Variants in RGS8 observed in about 807,000 individuals in gnomAD.
RGS8 encodes regulator of G protein signaling 8.
A neutral mutation model predicts 21.7 loss-of-function variants in RGS8; 8 were observed. The ratio of observed to expected loss-of-function variants is 0.37; its 90% CI spans 0.22 to 0.66. The LOEUF is 0.66. RGS8 is among the 30% of genes least tolerant of loss of function. The pLI is 0.59. For synonymous variants in RGS8, 80 were observed against 83.6 expected (o/e 0.96, Z 0.24); for missense variants, 157 against 217.9 (o/e 0.72, Z 1.76).
At chr1:182,742,664 G>A in the RGS8 span, among the ~76,000 whole-genome samples, 3 of 152,208 alleles carry the variant, frequency 2.0e-5, no homozygotes, top group Admixed American at 6.5e-5. Flanking sequence ...AGGCAGGGAG[G>A]TTGCAGTGAG....
In RGS8 at chr1:182,666,128, A is replaced by C. The variant is rs911514959; in HGVS notation, c.129-95T>G. Reference sequence around the variant, plus strand: ...TTTGCTCAAGAAAACAAATTGGAAAAATGTGGGGAAGGGTGCAGGGAGCAA... The same window carrying C: ...TTTGCTCAAGAAAACAAATTGGAAACATGTGGGGAAGGGTGCAGGGAGCAA... On this transcript the variant is annotated intron_variant, in intron 4 of 6. Transcript: ENST00000483095. The C allele has an allele frequency of 2.6e-5, 27 of 1,035,184 alleles. No individual in the cohort carries two copies. In the African/African-American group the frequency reaches 4.1e-4, roughly 16 times the overall value. The allele number at this position is 1,035,184 out of a possible 1,614,324, so 64.1% of individuals were successfully genotyped here. A position where few individuals can be genotyped will look rare whatever the true frequency, so the allele number is the denominator to read the frequency against.
chr1:182,676,255 G>A (rs12058434), upstream of RGS8, among the ~76,000 whole-genome samples: 3 of 152,178 alleles, frequency 2.0e-5, no homozygotes, highest in Non-Finnish European at 2.9e-5. Context: ...AAAAAGCCAC[G>A]AGAGTGGAGG....
the RGS8 span, among the ~76,000 whole-genome samples, chr1:182,693,349 C>A: frequency 3.9e-5 from 6 of 152,180 alleles, no homozygotes; most frequent in Non-Finnish European, 7.3e-5. Context: ...ATACACATGG[C>A]TGACAAGCAT....
the RGS8 span, among the ~76,000 whole-genome samples, chr1:182,743,486 G>A: frequency 6.6e-6 from 1 of 152,210 alleles, no homozygotes; most frequent in African/African-American, 2.4e-5. Flanking sequence ...GTCACGCAAA[G>A]TTAGTGGTAA....
intron 5 of RGS8, among the ~76,000 whole-genome samples, chr1:182,656,318 T>C (rs1487567300): frequency 6.6e-6 from 1 of 152,008 alleles, no homozygotes; most frequent in African/African-American, 2.4e-5. Flanking sequence ...ACCACACACA[T>C]ACCACAGCCC....
At chr1:182,690,034 G>C in the RGS8 span, among the ~76,000 whole-genome samples, 1 of 152,094 alleles carries the variant, frequency 6.6e-6, no homozygotes, top group Non-Finnish European at 1.5e-5. Context: ...GGTCAGAGAG[G>C]TACTCTGAGG....
upstream of RGS8, among the ~76,000 whole-genome samples, chr1:182,676,522 G>A (rs77730126): frequency 1.3e-3 from 194 of 152,308 alleles, no homozygotes; most frequent in African/African-American, 4.4e-3. Flanking sequence ...GGAAGGGCAG[G>A]ACAGAAGGAG....
the RGS8 span, among the ~76,000 whole-genome samples, chr1:182,690,303 C>T: frequency 0.039 from 5,940 of 152,276 alleles, 152 homozygotes; most frequent in East Asian, 0.1. Flanking sequence ...CACTACTTTT[C>T]GATTACCCAT....
chr1:182,732,377 C>A, the RGS8 span, among the ~76,000 whole-genome samples: 1 of 151,974 alleles, frequency 6.6e-6, no homozygotes, highest in South Asian at 2.1e-4. Context: ...GTTCCTCAAA[C>A]AGAACTTGTC....
the RGS8 span, among the ~76,000 whole-genome samples, chr1:182,743,044 G>A: frequency 6.6e-6 from 1 of 152,132 alleles, no homozygotes; most frequent in East Asian, 1.9e-4. Flanking sequence ...ACACCCACAG[G>A]CCTTGGAAGA....
At chr1:182,661,638 C>A (rs550371763) in intron 5 of RGS8, among the ~76,000 whole-genome samples, 1 of 152,130 alleles carries the variant, frequency 6.6e-6, no homozygotes, top group East Asian at 1.9e-4. Flanking sequence ...CCACTAAAAG[C>A]TAAACAAATA....
chr1:182,662,175 TC>T (rs1392930936), intron 5 of RGS8, among the ~76,000 whole-genome samples: 12 of 152,236 alleles, frequency 7.9e-5, no homozygotes, highest in Non-Finnish European at 1.8e-4. Flanking sequence ...AAAGTTGCTT[TC>T]TTTTGCCTGA....
the RGS8 span, among the ~76,000 whole-genome samples, chr1:182,749,467 C>A: frequency 6.6e-6 from 1 of 152,152 alleles, no homozygotes; most frequent in East Asian, 1.9e-4. Flanking sequence ...ATACCACACA[C>A]TGTACCATGT....
chr1:182,697,053 T>G, the RGS8 span, among the ~76,000 whole-genome samples: 4 of 152,314 alleles, frequency 2.6e-5, no homozygotes, highest in Admixed American at 2.6e-4. Flanking sequence ...TGCAAAGACA[T>G]TTTCAAGCCC....
chr1:182,655,719 G>T (rs1193335391), intron 5 of RGS8, among the ~76,000 whole-genome samples: 1 of 152,212 alleles, frequency 6.6e-6, no homozygotes, highest in Non-Finnish European at 1.5e-5. Context: ...CCCAGGTAGA[G>T]TTAGCACTCT....
the RGS8 span, among the ~76,000 whole-genome samples, chr1:182,748,609 G>T: frequency 6.6e-6 from 1 of 152,126 alleles, no homozygotes; most frequent in Admixed American, 6.5e-5. Flanking sequence ...AATTTCTTTG[G>T]ATATATACCC....
chr1:182,713,180 A>G, the RGS8 span, among the ~76,000 whole-genome samples: 21 of 152,092 alleles, frequency 1.4e-4, no homozygotes, highest in African/African-American at 5.1e-4. Context: ...TCTTTATTTT[A>G]TCTTCTTTTT....
chr1:182,724,240 A>C, the RGS8 span, among the ~76,000 whole-genome samples: 32 of 125,600 alleles, frequency 2.5e-4, 1 homozygote, highest in African/African-American at 9.6e-4. Context: ...ATATATATAT[A>C]TATATATCCT....
chr1:182,678,317 C>T lies in RGS8; in HGVS notation n.222-5385G>A, dbSNP rs532545021. On this transcript the variant is annotated intron_variant and non_coding_transcript_variant, in intron 1 of 4. Coordinates refer to the RGS8 transcript ENST00000515211. ...GTGTGGCTTCAGTAAAATAAGCCAACAAAGTACAAGAAAACTGAAATACAG... is the reference window on the plus strand; with the variant it reads ...GTGTGGCTTCAGTAAAATAAGCCAATAAAGTACAAGAAAACTGAAATACAG... Among the ~76,000 whole-genome samples the T allele has an allele frequency of 9.2e-5, 14 of 152,254 alleles. No individual in the cohort carries two copies. The South Asian group carries it at 2.7e-3, about 29-fold the overall frequency.
Sources: allele counts gnomAD v4.1 joint callset (sites outside exome capture counted in the v4.1 genomes callset), GRCh38; gene constraint gnomAD v4.1.1; transcripts MANE v1.5; gene names NCBI Gene and HGNC (gene_info 2026-07-23, HGNC 2026-07-21).